PPP1R10: variants seen among roughly 807,000 people sequenced by gnomAD.
The protein encoded by PPP1R10 is protein phosphatase 1 regulatory subunit 10.
Under a neutral mutation model 99.0 loss-of-function variants are expected in PPP1R10, and 15 were observed. That is an observed-to-expected ratio of 0.15 (90% confidence interval 0.10 to 0.23). The LOEUF (loss-of-function observed/expected upper bound fraction) is 0.23. Among genes scored for constraint, PPP1R10 ranks in the 10% least tolerant of loss-of-function variants. The pLI is 1.00. For missense variants in PPP1R10, 947 were observed against 1,259.4 expected, an observed-to-expected ratio of 0.75 and a Z score of 3.75; for synonymous variants, 430 against 449.5, an observed-to-expected ratio of 0.96 and a Z score of 0.55.
At chr6:30,615,947 A>G (rs1425681977) in intron 2 of PPP1R10, among the ~76,000 whole-genome samples, 2 of 152,234 alleles carry the variant, frequency 1.3e-5, no homozygotes, top group Non-Finnish European at 2.9e-5. Context: ...AAAAAGTTAT[A>G]GCGAGCTATT....
Position 30,604,812 on chromosome 6 carries a change from C to T in PPP1R10, c.955-77G>A. 1 of 1,589,470 alleles carries T rather than the reference C, an allele frequency of 6.3e-7. No individual in the cohort carries two copies. On this transcript the variant is annotated intron_variant, in intron 11 of 19. Transcript: ENST00000376511. This position sits in a 1 kb window ranked among gnomAD's most constrained non-coding sequence, Gnocchi z 7.3. ...GGCAATTAGTCCAGGGTCCCAGGCA[C>T]AGTCCCCCAACAGTTCCTATATAAA...
rs1309970652 is a variant in PPP1R10, at chr6:30,601,968, C to T, written c.2681G>A (p.Arg894Gln). ...ATGGCTGTGGCCTCCATCGTGCCCT[C>T]GGTGGCCCCCTCCCCCGTGGCCAGG... Reference protein sequence around the residue: ...DGPGHGGGGHRGHDGGHSHGG... With the variant: ...DGPGHGGGGHQGHDGGHSHGG... Residue 894 changes from arginine (R) to glutamine (Q), a missense_variant, in exon 19 of 20, where the codon CGA becomes CAA. This residue lies in a region of PPP1R10 where 525 missense variants were observed against 578.8 expected (regional missense o/e 0.91). Coordinates refer to ENST00000376511, the MANE Select transcript of PPP1R10 (RefSeq NM_002714.4). The T allele has an allele frequency of 3.3e-6, 5 of 1,512,058 alleles. No homozygotes were observed. The highest frequency in any genetic ancestry group is 3.5e-6 in the Non-Finnish European group (4 of 1,131,324). The allele number at this position is 1,512,058 out of a possible 1,614,324, so 93.7% of individuals were successfully genotyped here.
chr6:30,612,476 T>C (rs570027024), intron 2 of PPP1R10, among the ~76,000 whole-genome samples: 1 of 152,334 alleles, frequency 6.6e-6, no homozygotes, highest in South Asian at 2.1e-4. Flanking sequence ...GGGACTTTTT[T>C]ATTCCCACAT....
chr6:30,613,539 A>T (rs1379139502), intron 2 of PPP1R10, among the ~76,000 whole-genome samples: 1 of 152,044 alleles, frequency 6.6e-6, no homozygotes, highest in Non-Finnish European at 1.5e-5. Flanking sequence ...GTAAGCCCCT[A>T]CCCCTCAGTC....
rs1803291410 is a variant in PPP1R10 at position 30,601,343 on chromosome 6, T to C, written c.*206A>G. On this transcript the variant is annotated 3_prime_UTR_variant, in exon 20 of 20. Coordinates refer to ENST00000376511, the MANE Select transcript of PPP1R10 (RefSeq NM_002714.4). The stretch of plus-strand genomic sequence containing the variant: ...AGTCCAGGAACGTTTCCAGTCTCTC[T>C]CCTCCCCAGACTGGAGGAAAATATG... 5.2e-6 allele frequency: 3 copies of C among 577,146 alleles called. No homozygotes were observed. Among genetic ancestry groups the C allele is most frequent in the East Asian group, 5.7e-5 (2 of 35,280 alleles). The allele number at this position is 577,146 out of a possible 1,614,324, so 35.8% of individuals were successfully genotyped here. A position where few individuals can be genotyped will look rare whatever the true frequency, so the allele number is the denominator to read the frequency against.
chr6:30,604,323 A>G lies in PPP1R10; in HGVS notation c.1261+30T>C, dbSNP rs1803690596. The G allele has an allele frequency of 6.2e-7, 1 of 1,613,844 alleles. No individual in the cohort carries two copies. The highest frequency in any genetic ancestry group is 8.5e-7 in the Non-Finnish European group (1 of 1,179,870). ...CAAGTCCTTTCAAAATCCCTTAAAC[A>G]CACCTATTACGTAGGAAATGACCTC... On this transcript the variant is annotated intron_variant, in intron 13 of 19. Coordinates refer to ENST00000376511, the MANE Select transcript of PPP1R10 (RefSeq NM_002714.4). The surrounding 1 kb of genome is among the most constrained non-coding windows in gnomAD (Gnocchi z 7.3).
intron 2 of PPP1R10, among the ~76,000 whole-genome samples, chr6:30,615,915 T>C (rs1457201058): frequency 2.6e-5 from 4 of 152,210 alleles, no homozygotes; most frequent in African/African-American, 7.2e-5. Context: ...ACATTAAAAT[T>C]GAGAGGATTT....
chr6:30,615,934 T>C (rs1315398835), intron 2 of PPP1R10, among the ~76,000 whole-genome samples: 2 of 152,180 alleles, frequency 1.3e-5, no homozygotes, highest in Non-Finnish European at 2.9e-5. Context: ...TTAACAGTCA[T>C]TTAAAAAGTT....
rs1804003380 is a variant in PPP1R10 at position 30,606,826 on chromosome 6, C to A, written c.413G>T (p.Ser138Ile). The change falls in exon 7 of 20, where the codon AGC becomes ATC. Residue 138 changes from serine to isoleucine, a missense_variant. By Grantham distance (142) the Ser-to-Ile change is moderately radical. Coordinates refer to ENST00000376511, the MANE Select transcript of PPP1R10 (RefSeq NM_002714.4). The surrounding 1 kb of genome is among the most constrained non-coding windows in gnomAD (Gnocchi z 6.3). Reference sequence around the variant, plus strand: ...AGAGCGGATGACAGCCATCCAGTCGCTGACAAGGACTGAGGCCAATTTCCG... The same window carrying A: ...AGAGCGGATGACAGCCATCCAGTCGATGACAAGGACTGAGGCCAATTTCCG... ...ELRKLASVLV[S>I]DWMAVIRSQS... is the part of the protein sequence containing the mutation. 6.2e-6 allele frequency: 10 copies of A among 1,614,008 alleles called. No homozygotes were observed. The highest frequency in any genetic ancestry group is 8.5e-6 in the Non-Finnish European group (10 of 1,179,990).
At chr6:30,616,061 G>A (rs1403528817) in intron 2 of PPP1R10, among the ~76,000 whole-genome samples, 1 of 152,206 alleles carries the variant, frequency 6.6e-6, no homozygotes, top group East Asian at 1.9e-4. Context: ...CAAAGAAGTG[G>A]TACTTCTGGG....
In PPP1R10 at chr6:30,609,012, C is replaced by A; in HGVS notation, c.194+65G>T. The A allele has an allele frequency of 1.2e-6, 2 of 1,611,112 alleles. No individual in the cohort carries two copies. Among genetic ancestry groups the A allele is most frequent in the Non-Finnish European group, 1.7e-6 (2 of 1,177,422 alleles). Reference sequence around the variant, plus strand: ...GTCTCCCATCAATGACCGAGGAACCCCATGCCTCACCGCCCCATCTTTTCG... The same window carrying A: ...GTCTCCCATCAATGACCGAGGAACCACATGCCTCACCGCCCCATCTTTTCG... On this transcript the variant is annotated intron_variant, in intron 4 of 19. Transcript: ENST00000376511. This position sits in a 1 kb window ranked among gnomAD's most constrained non-coding sequence, Gnocchi z 4.5.
intron 2 of PPP1R10, among the ~76,000 whole-genome samples, chr6:30,613,754 A>G (rs980622413): frequency 2.6e-5 from 4 of 152,190 alleles, no homozygotes; most frequent in Non-Finnish European, 5.9e-5. Context: ...GTTAAGGAAG[A>G]TCTTCTTTAT....
rs1291815215 is a variant in PPP1R10 at position 30,604,283 on chromosome 6, G to A, written c.1262-29C>T. ...TCGGCAGGGGAAGAAAAGCAAGAGGGAAAGTAAGCACAACCAAGTCCTTTC... is the reference window on the plus strand; with the variant it reads ...TCGGCAGGGGAAGAAAAGCAAGAGGAAAAGTAAGCACAACCAAGTCCTTTC... On this transcript the variant is annotated intron_variant, in intron 13 of 19. Transcript: ENST00000376511. This position sits in a 1 kb window ranked among gnomAD's most constrained non-coding sequence, Gnocchi z 7.3. The A allele has an allele frequency of 3.1e-6, 5 of 1,613,798 alleles. No homozygotes were observed. The highest frequency in any genetic ancestry group is 1.3e-5 in the African/African-American group (1 of 75,034).
chr6:30,614,642 T>C (rs1760262165), intron 2 of PPP1R10: 1 of 152,178 alleles, frequency 6.6e-6, no homozygotes, highest in Admixed American at 6.5e-5. Context: ...TTAGGCCCGT[T>C]TATCTCCAAG....
chr6:30,612,559 T>G (rs1243533055), intron 2 of PPP1R10, among the ~76,000 whole-genome samples: 1 of 152,194 alleles, frequency 6.6e-6, no homozygotes, highest in East Asian at 1.9e-4. Flanking sequence ...CGTTAAATAT[T>G]CATTTTCCAC....
Position 30,602,815 on chromosome 6 carries a change from A to T in PPP1R10, c.1957+31T>A. The T allele has an allele frequency of 6.5e-7, 1 of 1,545,896 alleles. No individual in the cohort carries two copies. The highest frequency in any genetic ancestry group is 8.8e-7 in the Non-Finnish European group (1 of 1,140,468). On this transcript the variant is annotated intron_variant, in intron 18 of 19. Coordinates refer to ENST00000376511, the MANE Select transcript of PPP1R10 (RefSeq NM_002714.4). This position sits in a 1 kb window ranked among gnomAD's most constrained non-coding sequence, Gnocchi z 6.7. ...TTATCAGACTGAAATTAAGCAGATA[A>T]GCCCATTCCAACCTTTTACTCACCA...
At chr6:30,612,488 T>C (rs1246095122) in intron 2 of PPP1R10, among the ~76,000 whole-genome samples, 1 of 152,174 alleles carries the variant, frequency 6.6e-6, no homozygotes, top group African/African-American at 2.4e-5. Context: ...TTCCCACATG[T>C]ATAAACAAGA....
At chr6:30,610,081 G>A (rs1804400208) in intron 2 of PPP1R10, 126 bp from the exon 3 acceptor site, 3 of 659,060 alleles carry the variant, frequency 4.6e-6, no homozygotes, top group Non-Finnish European at 5.4e-6. Flanking sequence ...ATTCAACTAT[G>A]CTATTTTTTA....
chr6:30,616,596 T>C lies in PPP1R10; in HGVS notation c.-130A>G, dbSNP rs1413660592. 3 of 151,884 alleles carry C rather than the reference T, an allele frequency of 2.0e-5. No individual in the cohort carries two copies. Among genetic ancestry groups the C allele is most frequent in the Non-Finnish European group, 4.4e-5 (3 of 67,946 alleles). The allele number at this position is 151,884 out of a possible 1,614,324, so 9.4% of individuals were successfully genotyped here. A position where few individuals can be genotyped will look rare whatever the true frequency, so the allele number is the denominator to read the frequency against. ...AAACTCAATTATTTAGGGGGCCTCA[T>C]TGGATCAAAAAGTCTTTTAAAAAAT... On this transcript the variant is annotated 5_prime_UTR_variant, in exon 2 of 20. It removes an upstream start codon present in the reference 5' UTR. Coordinates refer to ENST00000376511, the MANE Select transcript of PPP1R10 (RefSeq NM_002714.4).
Sources: gnomAD v4.1 joint callset for allele counts (sites outside exome capture counted in the v4.1 genomes callset) on GRCh38, gnomAD v4.1.1 for gene constraint, gnomAD v4.1.1 regional missense constraint, Gnocchi (gnomAD v3.1) non-coding constraint, MANE v1.5 for transcripts, NCBI Gene and HGNC (gene_info 2026-07-23, HGNC 2026-07-21) for gene names.